Variants in CLDN16 observed in about 807,000 individuals in gnomAD.
The protein encoded by CLDN16 is claudin-16.
A neutral mutation model predicts 24.6 loss-of-function variants in CLDN16; 13 were observed. The ratio of observed to expected loss-of-function variants is 0.53; its 90% confidence interval spans 0.34 to 0.84. The LOEUF (loss-of-function observed/expected upper bound fraction) is 0.84, where lower values mean the gene tolerates loss of function less well. Ranked by LOEUF, CLDN16 falls within the 40% of genes least tolerant of loss-of-function variation. The pLI is 0.01. For missense variants in CLDN16, 298 were observed against 292.7 expected (o/e 1.02, Z -0.13); for synonymous variants, 116 against 106.7 (o/e 1.09, Z -0.54).
upstream of CLDN16, chr3:190,321,878 A>G: frequency 1.2e-6 from 1 of 850,356 alleles, no homozygotes; most frequent in Non-Finnish European, 2.0e-6. Flanking sequence ...GACTTGATCA[A>G]CTGAAGACTG....
intron 1 of CLDN16, among the ~76,000 whole-genome samples, chr3:190,333,286 G>A (rs957238718): frequency 3.9e-5 from 6 of 152,084 alleles, no homozygotes; most frequent in African/African-American, 9.7e-5. Context: ...TCAGATCAAG[G>A]TGTGTTAAAA....
At chr3:190,401,715 C>T (rs955850399) in intron 1 of CLDN16, among the ~76,000 whole-genome samples, 1 of 152,096 alleles carries the variant, frequency 6.6e-6, no homozygotes, top group African/African-American at 2.4e-5. Flanking sequence ...CTGCTTACAT[C>T]CTTTACATAG....
chr3:190,324,309 C>A (rs1717009844), intron 1 of CLDN16, among the ~76,000 whole-genome samples: 1 of 152,004 alleles, frequency 6.6e-6, no homozygotes, highest in African/African-American at 2.4e-5. Context: ...ATGGTGAAAC[C>A]CCGTCTCTAC....
chr3:190,317,995 C>G (rs552288001), upstream of CLDN16, among the ~76,000 whole-genome samples: 26 of 152,178 alleles, frequency 1.7e-4, no homozygotes, highest in Non-Finnish European at 3.8e-4. Context: ...TTCTCCCCTG[C>G]AATTAAATGA....
At chr3:190,327,046 GGAGAGAGAGGAGAGA>G (rs1717078871) in intron 1 of CLDN16, among the ~76,000 whole-genome samples, 1 of 152,086 alleles carries the variant, frequency 6.6e-6, no homozygotes, top group African/African-American at 2.4e-5. Flanking sequence ...GTGTGTCTGT[GGAGAGAGAGGAGAGA>G]GAGAGAGAGG....
chr3:190,400,473 C>T (rs964705435), intron 1 of CLDN16, among the ~76,000 whole-genome samples: 37 of 152,062 alleles, frequency 2.4e-4, no homozygotes, highest in African/African-American at 8.7e-4. Flanking sequence ...CCTCTTGATC[C>T]GTCCGCCTCA....
At chr3:190,313,226 A>G in the CLDN16 span, 2 of 599,180 alleles carry the variant, frequency 3.3e-6, no homozygotes, top group Non-Finnish European at 5.9e-6. Flanking sequence ...AACAAATGCC[A>G]GGCTGGATGA....
chr3:190,382,427 A>G (rs1718389559), intron 3 of CLDN16, among the ~76,000 whole-genome samples: 4 of 152,142 alleles, frequency 2.6e-5, no homozygotes, highest in Non-Finnish European at 5.9e-5. Flanking sequence ...AAGAAAACAG[A>G]TGCATAAACA....
intron 1 of CLDN16, among the ~76,000 whole-genome samples, chr3:190,398,902 T>A (rs911927950): frequency 1.3e-4 from 20 of 152,316 alleles, no homozygotes; most frequent in African/African-American, 4.8e-4. Flanking sequence ...TATATAAATT[T>A]AATTTACGTG....
the CLDN16 span, among the ~76,000 whole-genome samples, chr3:190,304,935 A>G: frequency 2.4e-4 from 37 of 152,240 alleles, no homozygotes; most frequent in African/African-American, 8.7e-4. Flanking sequence ...GGTGATATCT[A>G]CTTGGTATGA....
the CLDN16 span, among the ~76,000 whole-genome samples, chr3:190,293,716 G>A: frequency 2.6e-4 from 39 of 152,152 alleles, no homozygotes; most frequent in Non-Finnish European, 3.2e-4. Flanking sequence ...TGGACATAGC[G>A]TATGAGACAA....
At chr3:190,363,595 T>TA (rs1577410376) in intron 1 of CLDN16, among the ~76,000 whole-genome samples, 1 of 139,524 alleles carries the variant, frequency 7.2e-6, no homozygotes, top group East Asian at 2.1e-4. Context: ...TATATATATA[T>TA]ATTTTCTTTC....
chr3:190,390,729 T>G (rs994646284), intron 1 of CLDN16, among the ~76,000 whole-genome samples: 18 of 152,214 alleles, frequency 1.2e-4, no homozygotes, highest in African/African-American at 4.1e-4. Flanking sequence ...TCTCTTTTCT[T>G]GCCGCCATCC....
At chr3:190,323,824 G>A (rs1716997495) in intron 1 of CLDN16, among the ~76,000 whole-genome samples, 1 of 152,082 alleles carries the variant, frequency 6.6e-6, no homozygotes, top group African/African-American at 2.4e-5. Context: ...TAGGATTTAG[G>A]GACAAGCAAT....
intron 1 of CLDN16, among the ~76,000 whole-genome samples, chr3:190,349,144 G>A (rs980424671): frequency 6.6e-6 from 1 of 152,278 alleles, no homozygotes; most frequent in East Asian, 1.9e-4. Flanking sequence ...TATGGTTTTT[G>A]TGTCCCCACC....
At position 190,324,579 on chromosome 3, in the gene CLDN16, G is replaced by T. The variant is rs577583783; in HGVS notation, n.121+1918G>T. 1.4e-4 allele frequency among the ~76,000 whole-genome samples: 22 copies of T among 152,260 alleles called. 1 individual carries two copies. In the South Asian group the frequency reaches 4.6e-3, roughly 32 times the overall value. ...GGCCCTTTTACTCTGCATTACAACT[G>T]GTTTCTATCAACCTACAATTAGCGG... On this transcript the variant is annotated intron_variant and non_coding_transcript_variant, in intron 1 of 4. Transcript: ENST00000468220.
chr3:190,388,003 C>G, upstream of CLDN16: 2 of 963,840 alleles, frequency 2.1e-6, no homozygotes, highest in Admixed American at 4.0e-5. Flanking sequence ...GTCTGGTGAC[C>G]ACCACTAGCC....
At chr3:190,322,295 G>T (rs920633755), upstream of CLDN16, 48 of 1,157,966 alleles carry the variant, frequency 4.1e-5, no homozygotes, top group Admixed American at 7.6e-5. Flanking sequence ...CCCGAAGGTG[G>T]CTGGGCCCCG....
At chr3:190,398,832 C>A (rs1353541794) in intron 1 of CLDN16, among the ~76,000 whole-genome samples, 1 of 152,150 alleles carries the variant, frequency 6.6e-6, no homozygotes, top group Non-Finnish European at 1.5e-5. Flanking sequence ...AAGGTAAGAT[C>A]TTCCCCAAGG....
Sources: allele counts gnomAD v4.1 joint callset (sites outside exome capture counted in the v4.1 genomes callset), GRCh38; gene constraint gnomAD v4.1.1; transcripts MANE v1.5; gene names NCBI Gene and HGNC (gene_info 2026-07-23, HGNC 2026-07-21).